FBXO2: variants seen among roughly 807,000 people sequenced by gnomAD.
FBXO2 encodes the protein F-box protein 2, also known as F-box only protein 2.
A neutral mutation model predicts 38.6 loss-of-function variants in FBXO2; 32 were observed. That is an observed-to-expected ratio of 0.83 (90% confidence interval 0.62 to 1.11). The LOEUF (loss-of-function observed/expected upper bound fraction) is 1.11. Among genes scored for constraint, FBXO2 ranks in the 50% most tolerant of loss-of-function variants. The pLI, the probability that FBXO2 is intolerant of heterozygous loss-of-function variation, is 0.00. For synonymous variants in FBXO2, 189 were observed against 182.9 expected, an observed-to-expected ratio of 1.03 and a Z score of -0.27; for missense variants, 450 against 418.3, an observed-to-expected ratio of 1.08 and a Z score of -0.66.
chr1:11,650,738 G>A lies in FBXO2; in HGVS notation c.119C>T (p.Ala40Val), dbSNP rs953184967. Residue 40 changes from alanine (A) to valine (V), a missense_variant, in exon 2 of 6, where the codon GCG becomes GTG. Ala to Val is a moderately conservative substitution (Grantham distance 64). Transcript: ENST00000354287. ...ERPEDQQEEEAAAAAAYLDEL... is the reference protein window; with the variant it reads ...ERPEDQQEEEVAAAAAYLDEL... ...GTCCAGGTACGCGGCGGCGGCCGCC[G>A]CCTCCTCCTCCTGCTGGTCCTCCGG... is the stretch of plus-strand genomic sequence containing the variant. 1.6e-5 allele frequency: 25 copies of A among 1,529,422 alleles called. No homozygotes were observed. In the Admixed American group the frequency reaches 2.0e-4, roughly 12 times the overall value. 94.7% of individuals were successfully genotyped at this position (1,529,422 alleles called of 1,614,324 possible).
rs35333217 is a variant in FBXO2 at position 11,649,802 on chromosome 1, C to T, written c.594G>A (p.Gln198=). 5.6e-6 allele frequency: 9 copies of T among 1,613,984 alleles called. No homozygotes were observed. The highest frequency in any genetic ancestry group is 1.3e-5 in the African/African-American group (1 of 75,044). Residue 198 remains glutamine, a synonymous_variant, in exon 4 of 6, where the codon CAG becomes CAA. Transcript: ENST00000354287. ...GYWEELLDTT[Q]PAIVVKDWYS... ...ACCAGTCCTTCACCACGATGGCCGG[C>T]TGAGTCGTGTCCAGCAGCTCCTCCC...
chr1:11,652,592 C>A (rs2100588260), intron 1 of FBXO2, among the ~76,000 whole-genome samples: 1 of 152,342 alleles, frequency 6.6e-6, no homozygotes. Flanking sequence ...AGTAAGTGGA[C>A]ACCGAGTGCC....
At chr1:11,649,266 G>T in intron 4 of FBXO2, 41 bp from the exon 5 acceptor site, 1 of 1,049,318 alleles carries the variant, frequency 9.5e-7, no homozygotes, top group Non-Finnish European at 1.4e-6. Flanking sequence ...CGGGAGGTGG[G>T]GTGGGGGCAT....
intron 4 of FBXO2, 128 bp downstream of exon 4, chr1:11,649,651 C>T (rs901797080): frequency 2.0e-5 from 18 of 899,180 alleles, no homozygotes; most frequent in Non-Finnish European, 2.9e-5. Context: ...TTTGCAGACC[C>T]GTGGCCCACG....
At chr1:11,649,923 T>G (rs1332300785) in intron 3 of FBXO2, 22 bp downstream of exon 3, 1 of 1,613,698 alleles carries the variant, frequency 6.2e-7, no homozygotes, top group South Asian at 1.1e-5. Context: ...CCTTCCCACC[T>G]CCTCCACCCC....
intron 1 of FBXO2, among the ~76,000 whole-genome samples, chr1:11,651,908 T>C (rs1412163975): frequency 5.9e-5 from 9 of 152,100 alleles, no homozygotes; most frequent in Admixed American, 5.9e-4. Context: ...CATGTTGGCA[T>C]GGCTGGTCTC....
At chr1:11,651,872 G>A (rs558277402) in intron 1 of FBXO2, among the ~76,000 whole-genome samples, 1 of 152,048 alleles carries the variant, frequency 6.6e-6, no homozygotes, top group East Asian at 1.9e-4. Context: ...GCTAATTTTT[G>A]TATTTTTAGT....
chr1:11,648,981 C>CCCAG lies in FBXO2; in HGVS notation c.756+102_756+105dup. 2 of 1,372,198 alleles carry CCCAG rather than the reference C, an allele frequency of 1.5e-6. No homozygotes were observed. The highest frequency in any genetic ancestry group is 2.0e-6 in the Non-Finnish European group (2 of 1,003,384). The allele number at this position is 1,372,198 out of a possible 1,614,324, so 85.0% of individuals were successfully genotyped here. On this transcript the variant is annotated intron_variant, in intron 5 of 5. Transcript: ENST00000354287. This position sits in a 1 kb window ranked among gnomAD's most constrained non-coding sequence, Gnocchi z 4.2. ...CCACCCGGTGACTATCTCAGCCCAG[C>CCCAG]CCAGCCCAGCCCACCCCAGCCCAGG...
chr1:11,649,337 G>T (rs1639475047), intron 4 of FBXO2, 112 bp from the exon 5 acceptor site: 6 of 895,206 alleles, frequency 6.7e-6, no homozygotes, highest in Non-Finnish European at 1.0e-5. Context: ...CCTCCTGTGC[G>T]CCCAACATCC....
In FBXO2 at chr1:11,651,605, TG is replaced by T. The variant is rs201466530; in HGVS notation, c.23-772del. Reference sequence around the variant, plus strand: ...ACACGGCTAATCAGTGGTTGGAGCCTGGATTTGAACCCAGACAGCCTGGCTC... The same window carrying T: ...ACACGGCTAATCAGTGGTTGGAGCCTGATTTGAACCCAGACAGCCTGGCTC... On this transcript the variant is annotated intron_variant, in intron 1 of 5. Transcript: ENST00000354287. Among the ~76,000 whole-genome samples the T allele has an allele frequency of 5.4e-4, 82 of 152,296 alleles. No homozygotes were observed. The East Asian group carries it at 0.015, about 27-fold the overall frequency.
intron 1 of FBXO2, among the ~76,000 whole-genome samples, chr1:11,652,707 C>A (rs1323460527): frequency 1.3e-5 from 2 of 152,182 alleles, no homozygotes. Context: ...TTCCCATGGG[C>A]TAGGCCCTGG....
chr1:11,654,179 C>T (rs1489285713), intron 1 of FBXO2, 140 bp downstream of exon 1: 5 of 932,098 alleles, frequency 5.4e-6, no homozygotes, highest in African/African-American at 3.5e-5. Flanking sequence ...TTGGAGACCG[C>T]CTCTAGGGCT....
intron 1 of FBXO2, among the ~76,000 whole-genome samples, chr1:11,653,692 C>T (rs918005687): frequency 6.6e-6 from 1 of 152,126 alleles, no homozygotes; most frequent in Non-Finnish European, 1.5e-5. Context: ...GCAACCCCTG[C>T]AGGCCCCGCA....
rs1439926028 is a variant in FBXO2 at position 11,648,655 on chromosome 1, C to T, written c.*39G>A. On this transcript the variant is annotated 3_prime_UTR_variant, in exon 6 of 6. Transcript: ENST00000354287. This position sits in a 1 kb window ranked among gnomAD's most constrained non-coding sequence, Gnocchi z 4.2. ...AAGGCCTATCTACCCTCGACCTTTG[C>T]CCCTCCAGGCAGCTGGGGGAGAGTG... 1.4e-5 allele frequency: 23 copies of T among 1,606,814 alleles called. No homozygotes were observed. Among genetic ancestry groups the T allele is most frequent in the African/African-American group, 6.7e-5 (5 of 74,814 alleles).
chr1:11,651,278 T>C lies in FBXO2; in HGVS notation c.23-444A>G, dbSNP rs575745442. Among the ~76,000 whole-genome samples, 7 of 152,260 alleles carry C rather than the reference T, an allele frequency of 4.6e-5. No homozygotes were observed. In the East Asian group the frequency reaches 1.4e-3, roughly 29 times the overall value. On this transcript the variant is annotated intron_variant, in intron 1 of 5. Coordinates refer to ENST00000354287, the MANE Select transcript of FBXO2 (RefSeq NM_012168.6). ...CTCTCACAGCCCTTCCTAGCTTTTG[T>C]CCTGGGGTGTGATCCTGTGATAAAC...
At chr1:11,653,699 C>A (rs1639587527) in intron 1 of FBXO2, among the ~76,000 whole-genome samples, 1 of 152,050 alleles carries the variant, frequency 6.6e-6, no homozygotes, top group Non-Finnish European at 1.5e-5. Context: ...CTGCAGGCCC[C>A]GCAGGGAGTT....
In FBXO2 at chr1:11,650,851, G is replaced by A; in HGVS notation, c.23-17C>T. ...CCACGCTCTCTGCAGGCAGGGATGG[G>A]TGGGAGGCTGTGATTCCTCCACCCT... is the stretch of plus-strand genomic sequence containing the variant. On this transcript the variant is annotated splice_polypyrimidine_tract_variant and intron_variant, in intron 1 of 5. Coordinates refer to ENST00000354287, the MANE Select transcript of FBXO2 (RefSeq NM_012168.6). The A allele has an allele frequency of 6.4e-7, 1 of 1,556,324 alleles. No homozygotes were observed. Among genetic ancestry groups the A allele is most frequent in the South Asian group, 1.2e-5 (1 of 86,278 alleles).
Position 11,649,776 on chromosome 1 carries a change from C to T in FBXO2, c.617+3G>A. 1 of 1,613,772 alleles carries T rather than the reference C, an allele frequency of 6.2e-7. No homozygotes were observed. The highest frequency in any genetic ancestry group is 8.5e-7 in the Non-Finnish European group (1 of 1,179,930). On this transcript the variant is annotated splice_donor_region_variant and intron_variant, in intron 4 of 5. Coordinates refer to ENST00000354287, the MANE Select transcript of FBXO2 (RefSeq NM_012168.6). Reference sequence around the variant, plus strand: ...GCCCCATGCCACCCCAGGACCCTCTCACCAGTCCTTCACCACGATGGCCGG... The same window carrying T: ...GCCCCATGCCACCCCAGGACCCTCTTACCAGTCCTTCACCACGATGGCCGG...
Position 11,654,305 on chromosome 1 carries a change from C to T in FBXO2, c.22+14G>A, listed in dbSNP as rs1453611308. 6.7e-7 allele frequency: 1 copy of T among 1,486,080 alleles called. No individual in the cohort carries two copies. Among genetic ancestry groups the T allele is most frequent in the East Asian group, 2.9e-5 (1 of 34,090 alleles). The allele number at this position is 1,486,080 out of a possible 1,614,324, so 92.1% of individuals were successfully genotyped here. On this transcript the variant is annotated intron_variant, in intron 1 of 5. Coordinates refer to ENST00000354287, the MANE Select transcript of FBXO2 (RefSeq NM_012168.6). The stretch of plus-strand genomic sequence containing the variant: ...CCCCTCCCCGCCGCAGCGAGCGGTC[C>T]AGGCGTCGGCTACCTGGGTCACCGT...
Sources: allele counts gnomAD v4.1 joint callset (sites outside exome capture counted in the v4.1 genomes callset), GRCh38; gene constraint gnomAD v4.1.1; non-coding constraint Gnocchi (gnomAD v3.1); transcripts MANE v1.5; gene names NCBI Gene and HGNC (gene_info 2026-07-23, HGNC 2026-07-21).